Variants in CRY1 observed in about 807,000 individuals in gnomAD.
CRY1 encodes cryptochrome circadian regulator 1.
In CRY1, 45 loss-of-function variants were observed where a neutral mutation model predicts 76.0. That is an observed-to-expected ratio of 0.59 (90% CI 0.47 to 0.76). The LOEUF (loss-of-function observed/expected upper bound fraction) is 0.76, where lower values mean the gene tolerates loss of function less well. CRY1 is among the 30% of genes least tolerant of loss of function. The probability of loss-of-function intolerance (pLI) is 0.00; values close to 1 mark genes in which losing one functional copy is unlikely to be tolerated. For missense variants in CRY1, 587 were observed against 716.4 expected, an observed-to-expected ratio of 0.82 and a Z score of 2.06; for synonymous variants, 248 against 244.0, an observed-to-expected ratio of 1.02 and a Z score of -0.15.
At chr12:107,032,722 T>G (rs909807021) in intron 1 of CRY1, among the ~76,000 whole-genome samples, 1 of 152,156 alleles carries the variant, frequency 6.6e-6, no homozygotes, top group Non-Finnish European at 1.5e-5. Flanking sequence ...GGTGGGAGGA[T>G]CGCTCAAGCC....
In CRY1 at chr12:107,001,299, T is replaced by C. The variant is rs770551812; in HGVS notation, c.665A>G (p.Glu222Gly). ...TCATACTTTTCTTTCCAAATGCCTTTCCAAACGAGTAAGTGCTTCAGTTTC... is the reference window on the plus strand; with the variant it reads ...TCATACTTTTCTTTCCAAATGCCTTCCCAAACGAGTAAGTGCTTCAGTTTC... Reference protein sequence around the residue: ...GGETEALTRLERHLERKAWVA... With the variant: ...GGETEALTRLGRHLERKAWVA... The change falls in exon 5 of 13, where the codon GAA becomes GGA. Residue 222 changes from glutamate to glycine, a missense_variant. Physicochemically the swap from Glu to Gly is moderately conservative, Grantham distance 98. Transcript: ENST00000008527. The C allele has an allele frequency of 6.2e-7, 1 of 1,613,676 alleles. No homozygotes were observed. The highest frequency in any genetic ancestry group is 2.2e-5 in the East Asian group (1 of 44,844).
intron 1 of CRY1, among the ~76,000 whole-genome samples, chr12:107,089,017 G>T (rs1008906185): frequency 2.6e-5 from 4 of 152,138 alleles, no homozygotes; most frequent in African/African-American, 9.7e-5. Context: ...TTTGTGACTG[G>T]CTTCTTTCGT....
At chr12:107,059,368 C>T (rs1167057973) in intron 1 of CRY1, among the ~76,000 whole-genome samples, 2 of 152,266 alleles carry the variant, frequency 1.3e-5, no homozygotes, top group Non-Finnish European at 2.9e-5. Flanking sequence ...CCTTCTGCCT[C>T]AGCCTCCTGA....
chr12:107,022,306 C>T, intron 1 of CRY1, 114 bp from the exon 2 acceptor site: 1 of 508,850 alleles, frequency 2.0e-6, no homozygotes, highest in South Asian at 3.8e-5. Context: ...CATCTTATTA[C>T]CTCCTATTGA....
At chr12:107,071,164 T>C (rs1484157710) in intron 1 of CRY1, among the ~76,000 whole-genome samples, 1 of 152,174 alleles carries the variant, frequency 6.6e-6, no homozygotes. Context: ...TAAGTAATAG[T>C]GATGACAGCC....
intron 1 of CRY1, among the ~76,000 whole-genome samples, chr12:107,028,760 G>C (rs1952643558): frequency 6.6e-6 from 1 of 152,130 alleles, no homozygotes; most frequent in Admixed American, 6.5e-5. Context: ...GACTAACACA[G>C]TTGTGTTACT....
Position 106,992,991 on chromosome 12 carries a change from C to T in CRY1, c.1631G>A (p.Ser544Asn). The change falls in exon 11 of 13, where the codon AGT (serine) becomes AAT (asparagine). Residue 544 changes from serine (S) to asparagine (N), a missense_variant. Ser to Asn is a conservative substitution (Grantham distance 46, BLOSUM62 1). Transcript: ENST00000008527. The stretch of plus-strand genomic sequence containing the variant: ...TTGCTTCAACAGGTGAGTTTGCTGA[C>T]TGTCGCCATGAGCATAGTGTAAAAT... ...SGILHYAHGD[S>N]QQTHLLKQGR... is the part of the protein sequence containing the mutation. 1.2e-6 allele frequency: 2 copies of T among 1,614,046 alleles called. No individual in the cohort carries two copies. The highest frequency in any genetic ancestry group is 1.1e-5 in the South Asian group (1 of 91,084).
chr12:107,091,045 CTT>C (rs368203338), intron 1 of CRY1, among the ~76,000 whole-genome samples: 1 of 145,990 alleles, frequency 6.8e-6, no homozygotes, highest in African/African-American at 2.5e-5. Context: ...ACTATAAGTC[CTT>C]TTTTTTTTTT....
chr12:107,045,740 T>G (rs150755136), intron 1 of CRY1, among the ~76,000 whole-genome samples: 1,867 of 151,712 alleles, frequency 0.012, 31 homozygotes, highest in African/African-American at 0.043. Context: ...AGCTCACTCA[T>G]AGTGGGGGAA....
intron 1 of CRY1, among the ~76,000 whole-genome samples, chr12:107,022,550 T>C (rs1004320285): frequency 1.8e-4 from 28 of 151,912 alleles, no homozygotes; most frequent in African/African-American, 5.8e-4. Flanking sequence ...GCTTTTCATA[T>C]AGAAAGGAAA....
chr12:107,040,907 T>C (rs2136866314), intron 1 of CRY1, among the ~76,000 whole-genome samples: 1 of 150,926 alleles, frequency 6.6e-6, no homozygotes, highest in South Asian at 2.1e-4. Flanking sequence ...TTATGGATGC[T>C]ATATAAACCT....
At chr12:107,013,079 T>C (rs562747442) in intron 2 of CRY1, among the ~76,000 whole-genome samples, 2 of 152,344 alleles carry the variant, frequency 1.3e-5, no homozygotes, top group African/African-American at 2.4e-5. Flanking sequence ...ACAAATTTAG[T>C]TGATGAAGCA....
At chr12:107,075,381 G>C (rs933682033) in intron 1 of CRY1, among the ~76,000 whole-genome samples, 1 of 152,016 alleles carries the variant, frequency 6.6e-6, no homozygotes, top group African/African-American at 2.4e-5. Context: ...GATAAAAGGT[G>C]AATCACCAAA....
chr12:107,004,704 T>C (rs1019155704), intron 3 of CRY1, among the ~76,000 whole-genome samples: 1 of 152,176 alleles, frequency 6.6e-6, no homozygotes, highest in Non-Finnish European at 1.5e-5. Flanking sequence ...TGAAATAAGA[T>C]AACATTAAAC....
chr12:107,088,030 C>A (rs910089684), intron 1 of CRY1, among the ~76,000 whole-genome samples: 2 of 152,060 alleles, frequency 1.3e-5, no homozygotes, highest in Non-Finnish European at 1.5e-5. Context: ...CAGAGTGATA[C>A]CCCGTCTCAA....
intron 1 of CRY1, among the ~76,000 whole-genome samples, chr12:107,037,966 C>T (rs1030174648): frequency 6.6e-6 from 1 of 152,114 alleles, no homozygotes; most frequent in Non-Finnish European, 1.5e-5. Flanking sequence ...GCTTTGGCCT[C>T]CCAAAGCATT....
At chr12:107,066,926 A>C (rs1303594447) in intron 1 of CRY1, among the ~76,000 whole-genome samples, 1 of 151,960 alleles carries the variant, frequency 6.6e-6, no homozygotes, top group Admixed American at 6.6e-5. Flanking sequence ...CAGCTTCCTG[A>C]GTAGCTGCGA....
chr12:107,016,440 A>C (rs1367031297), intron 2 of CRY1, among the ~76,000 whole-genome samples: 1 of 152,266 alleles, frequency 6.6e-6, no homozygotes, highest in Non-Finnish European at 1.5e-5. Context: ...AGTAAAACTA[A>C]AAGTTGTAAA....
intron 2 of CRY1, among the ~76,000 whole-genome samples, chr12:107,005,802 C>G (rs1386678459): frequency 6.6e-6 from 1 of 151,862 alleles, no homozygotes; most frequent in Non-Finnish European, 1.5e-5. Context: ...TACTAAAAAA[C>G]GTTAACTGAA....
Sources: gnomAD v4.1 joint callset for allele counts (sites outside exome capture counted in the v4.1 genomes callset) on GRCh38, gnomAD v4.1.1 for gene constraint, MANE v1.5 for transcripts, NCBI Gene and HGNC (gene_info 2026-07-23, HGNC 2026-07-21) for gene names.